HTT: variants seen among roughly 807,000 people sequenced by gnomAD.
The protein encoded by HTT is huntington disease protein.
A neutral mutation model predicts 362.3 loss-of-function variants in HTT; 104 were observed. That is an observed-to-expected ratio of 0.29 (90% CI 0.24 to 0.34). The LOEUF is 0.34. Ranked by LOEUF, HTT falls within the 10% of genes least tolerant of loss-of-function variation. The pLI, the probability that HTT is intolerant of heterozygous loss-of-function variation, is 1.00. For synonymous variants in HTT, 1,577 were observed against 1,548.7 expected, an observed-to-expected ratio of 1.02 and a Z score of -0.43; for missense variants, 3,301 against 3,928.6, an observed-to-expected ratio of 0.84 and a Z score of 4.27.
Position 3,212,174 on chromosome 4 carries a change from A to T in HTT, c.6628+32A>T, listed in dbSNP as rs778684821. On this transcript the variant is annotated intron_variant, in intron 48 of 66. Coordinates refer to ENST00000355072, the MANE Select transcript of HTT (RefSeq NM_001388492.1). ...AAAATTAAAATTTATCTTATTTTTA[A>T]AAAGCATTCCAGGGCCAGTATAGTA... is the stretch of plus-strand genomic sequence containing the variant. The T allele has an allele frequency of 3.3e-5, 50 of 1,526,056 alleles. No individual in the cohort carries two copies. In the Admixed American group the frequency reaches 8.7e-4, roughly 26 times the overall value. 94.5% of individuals were successfully genotyped at this position (1,526,056 alleles called of 1,614,324 possible). A position where few individuals can be genotyped will look rare whatever the true frequency, so the allele number is the denominator to read the frequency against.
At chr4:3,155,728 CA>C (rs774283812) in intron 27 of HTT, among the ~76,000 whole-genome samples, 1,920 of 49,626 alleles carry the variant, frequency 0.039, 35 homozygotes, top group African/African-American at 0.11. Flanking sequence ...AAAAATACCA[CA>C]AAAAAAAAAA....
chr4:3,090,933 G>A (rs555504118), intron 2 of HTT, among the ~76,000 whole-genome samples: 1 of 152,316 alleles, frequency 6.6e-6, no homozygotes, highest in Non-Finnish European at 1.5e-5. Context: ...CCAGTGCGGT[G>A]AAACACTGCC....
At chr4:3,118,460 G>A (rs1715135973) in intron 8 of HTT, among the ~76,000 whole-genome samples, 2 of 152,190 alleles carry the variant, frequency 1.3e-5, no homozygotes, top group Non-Finnish European at 2.9e-5. Flanking sequence ...ATCTGACCCG[G>A]CACAGAGTTG....
intron 51 of HTT, among the ~76,000 whole-genome samples, chr4:3,216,279 C>G (rs1412209675): frequency 6.6e-6 from 1 of 152,188 alleles, no homozygotes; most frequent in Non-Finnish European, 1.5e-5. Context: ...TATCTCAAAC[C>G]TCTGTGGGTC....
intron 53 of HTT, among the ~76,000 whole-genome samples, chr4:3,221,955 G>A (rs1012447681): frequency 1.3e-5 from 2 of 152,246 alleles, no homozygotes; most frequent in African/African-American, 4.8e-5. Flanking sequence ...GTGGCCATTA[G>A]TTTTATCCAC....
rs556282258 is a variant in HTT, at chr4:3,150,978, G to A, written c.3498+2771G>A. ...GGCGTGAACCTGGGAGGCGGAGCTT[G>A]CAGTGAGCCGAGATTGTGCCATTGC... On this transcript the variant is annotated intron_variant, in intron 26 of 66. Coordinates refer to ENST00000355072, the MANE Select transcript of HTT (RefSeq NM_001388492.1). Among the ~76,000 whole-genome samples the A allele has an allele frequency of 5.9e-5, 9 of 152,234 alleles. No individual in the cohort carries two copies. The South Asian group carries it at 1.9e-3, about 32-fold the overall frequency.
At chr4:3,231,383 T>C (rs1026290831) in intron 60 of HTT, among the ~76,000 whole-genome samples, 2 of 152,010 alleles carry the variant, frequency 1.3e-5, no homozygotes, top group East Asian at 1.9e-4. Flanking sequence ...TGCGGAGCTC[T>C]TCCTCCCGCA....
At chr4:3,098,302 G>A (rs1409514981) in intron 2 of HTT, among the ~76,000 whole-genome samples, 1 of 152,180 alleles carries the variant, frequency 6.6e-6, no homozygotes, top group African/African-American at 2.4e-5. Context: ...GACTTTTGGT[G>A]CCTCTTAGGC....
intron 41 of HTT, among the ~76,000 whole-genome samples, chr4:3,200,719 G>C (rs947878523): frequency 6.6e-6 from 1 of 152,260 alleles, no homozygotes; most frequent in Non-Finnish European, 1.5e-5. Context: ...AAAGTCCACT[G>C]TTGGGAGGCA....
At chr4:3,159,065 C>A (rs1474227180) in intron 28 of HTT, among the ~76,000 whole-genome samples, 2 of 152,198 alleles carry the variant, frequency 1.3e-5, no homozygotes, top group Non-Finnish European at 1.5e-5. Context: ...GAGTGCCTGG[C>A]GTGTCTTGCT....
rs1720732673 is a variant in HTT at position 3,222,617 on chromosome 4, G to A, written c.7470+130G>A. On this transcript the variant is annotated intron_variant, in intron 54 of 66. Coordinates refer to ENST00000355072, the MANE Select transcript of HTT (RefSeq NM_001388492.1). Reference sequence around the variant, plus strand: ...TTACCTTATTTTTGAAAGAGTAGCTGAATGGTGTCTTGACTGATATTCCAG... The same window carrying A: ...TTACCTTATTTTTGAAAGAGTAGCTAAATGGTGTCTTGACTGATATTCCAG... 4.5e-6 allele frequency: 3 copies of A among 671,796 alleles called. No individual in the cohort carries two copies. The African/African-American group carries it at 5.4e-5, about 12-fold the overall frequency. 41.6% of individuals were successfully genotyped at this position (671,796 alleles called of 1,614,324 possible).
At chr4:3,217,710 T>C in intron 51 of HTT, 55 bp from the exon 52 acceptor site, 1 of 1,443,216 alleles carries the variant, frequency 6.9e-7, no homozygotes, top group Non-Finnish European at 9.5e-7. Context: ...CTTTCTACAC[T>C]GGGCATATAG....
In HTT at chr4:3,228,494, C is replaced by A; in HGVS notation, c.7849-121C>A. 1 of 1,190,072 alleles carries A rather than the reference C, an allele frequency of 8.4e-7. No individual in the cohort carries two copies. The highest frequency in any genetic ancestry group is 1.1e-6 in the Non-Finnish European group (1 of 872,414). The allele number at this position is 1,190,072 out of a possible 1,614,324, so 73.7% of individuals were successfully genotyped here. On this transcript the variant is annotated intron_variant, in intron 57 of 66. Transcript: ENST00000355072. This position sits in a 1 kb window ranked among gnomAD's most constrained non-coding sequence, Gnocchi z 4.3. ...CCCGTAACCTGGGGTGTCTGAACGA[C>A]CCTTGCTAAGGGGCAGACTGTTAGA...
At chr4:3,174,481 G>A (rs1242248467) in intron 31 of HTT, among the ~76,000 whole-genome samples, 1 of 152,214 alleles carries the variant, frequency 6.6e-6, no homozygotes, top group African/African-American at 2.4e-5. Flanking sequence ...TCAGACTTGA[G>A]TAGCCTTCTG....
intron 6 of HTT, 82 bp downstream of exon 6, chr4:3,107,505 G>A (rs573386381): frequency 9.9e-6 from 14 of 1,415,038 alleles, no homozygotes; most frequent in African/African-American, 1.4e-5. Context: ...TGAACAGGGA[G>A]TCCTGTGGGA....
Position 3,074,704 on chromosome 4 carries a change from G to T in HTT, c.-122G>T. ...GGGCTGCCGGGACGGGTCCAAGATG[G>T]ACGGCCGCTCAGGTTCTGCTTTTAC... On this transcript the variant is annotated 5_prime_UTR_variant, in exon 1 of 67. Transcript: ENST00000355072. 1 of 1,078,250 alleles carries T rather than the reference G, an allele frequency of 9.3e-7. No individual in the cohort carries two copies. The highest frequency in any genetic ancestry group is 1.3e-6 in the Non-Finnish European group (1 of 796,198). The allele number at this position is 1,078,250 out of a possible 1,614,324, so 66.8% of individuals were successfully genotyped here.
At chr4:3,223,667 T>G (rs1325603594) in intron 55 of HTT, 107 bp downstream of exon 55, 4 of 1,026,696 alleles carry the variant, frequency 3.9e-6, no homozygotes, top group Non-Finnish European at 4.3e-6. Context: ...CCTTCATTGC[T>G]AGAATTGAAA....
At chr4:3,188,108 G>A (rs1406068001) in intron 39 of HTT, 3 of 471,056 alleles carry the variant, frequency 6.4e-6, no homozygotes, top group Non-Finnish European at 1.1e-5. Context: ...GTCCTCAGTA[G>A]AGATGCTACA....
Position 3,136,315 on chromosome 4 carries a change from A to G in HTT, c.2787A>G (p.Ala929=). ...EDPRVRHVAA[A]SLIRLVPKLF... ...CCAGGGTGCGACATGTTGCCGCAGC[A>G]TCACTAATTAGGTATTTACCAATAT... is the stretch of plus-strand genomic sequence containing the variant. The change falls in exon 21 of 67, where the codon GCA becomes GCG. Residue 929 remains alanine (A), a synonymous_variant. Transcript: ENST00000355072. The G allele has an allele frequency of 4.4e-6, 7 of 1,574,840 alleles. No homozygotes were observed. Among genetic ancestry groups the G allele is most frequent in the Non-Finnish European group, 5.2e-6 (6 of 1,144,830 alleles).
Sources: allele counts gnomAD v4.1 joint callset (sites outside exome capture counted in the v4.1 genomes callset), GRCh38; gene constraint gnomAD v4.1.1; non-coding constraint Gnocchi (gnomAD v3.1); transcripts MANE v1.5; gene names NCBI Gene and HGNC (gene_info 2026-07-23, HGNC 2026-07-21).